LYPD6: variants seen among roughly 807,000 people sequenced by gnomAD.
LYPD6 encodes the protein ly6/PLAUR domain-containing protein 6.
LYPD6 carries 15 observed loss-of-function variants against 22.7 expected under a neutral mutation model. The observed-to-expected ratio is 0.66, with a 90% confidence interval of 0.44 to 1.02. LYPD6 has a LOEUF of 1.02. LYPD6 is among the 50% of genes least tolerant of loss of function. The probability of loss-of-function intolerance (pLI) is 0.00; values close to 1 mark genes in which losing one functional copy is unlikely to be tolerated. For synonymous variants in LYPD6, 72 were observed against 77.5 expected (o/e 0.93, Z 0.37); for missense variants, 189 against 208.4 (o/e 0.91, Z 0.57).
At position 149,437,795 on chromosome 2, in the gene LYPD6, A is replaced by G. The variant is rs541368590; in HGVS notation, c.87A>G (p.Thr29=). 1 of 1,614,188 alleles carries G rather than the reference A, an allele frequency of 6.2e-7. No individual in the cohort carries two copies. The highest frequency in any genetic ancestry group is 8.5e-7 in the Non-Finnish European group (1 of 1,180,024). Residue 29 remains threonine, a synonymous_variant, in exon 2 of 5, where the codon ACA becomes ACG. Coordinates refer to ENST00000334166, the MANE Select transcript of LYPD6 (RefSeq NM_194317.5). ...CLKAAQSRDF[T]VKDIIYLHPS... is the part of the protein sequence containing the mutation. ...AAGCTGCTCAGTCCCGAGACTTCACAGTGAAAGACATTATCTACCTCCATC... is the reference window on the plus strand; with the variant it reads ...AAGCTGCTCAGTCCCGAGACTTCACGGTGAAAGACATTATCTACCTCCATC...
chr2:149,462,869 A>G (rs1253682554), intron 3 of LYPD6, among the ~76,000 whole-genome samples: 2 of 152,120 alleles, frequency 1.3e-5, no homozygotes, highest in Non-Finnish European at 2.9e-5. Context: ...ATCTCAGCCT[A>G]AGTCTCACAC....
chr2:149,437,656 T>G lies in LYPD6; in HGVS notation c.-53T>G. The G allele has an allele frequency of 1.9e-6, 3 of 1,605,614 alleles. No individual in the cohort carries two copies. The South Asian group carries it at 3.3e-5, about 18-fold the overall frequency. ...TTTTCAGGTGCAAGTTCTCTCCTGT[T>G]GCCCTGAGTGCCCACTCCCAGGCCC... is the stretch of plus-strand genomic sequence containing the variant. On this transcript the variant is annotated 5_prime_UTR_variant, in exon 2 of 5. Coordinates refer to ENST00000334166, the MANE Select transcript of LYPD6 (RefSeq NM_194317.5).
At chr2:149,405,825 T>A (rs1682690416) in intron 1 of LYPD6, among the ~76,000 whole-genome samples, 1 of 148,146 alleles carries the variant, frequency 6.8e-6, no homozygotes, top group Non-Finnish European at 1.5e-5. Context: ...ATTGTGATGT[T>A]AGGGTGTCAG....
At chr2:149,355,944 A>C (rs549388567) in intron 1 of LYPD6, among the ~76,000 whole-genome samples, 13 of 152,274 alleles carry the variant, frequency 8.5e-5, no homozygotes, top group African/African-American at 2.9e-4. Context: ...GCCTAACAGT[A>C]AATTTTTATG....
chr2:149,463,323 A>G (rs1462739741), intron 3 of LYPD6, among the ~76,000 whole-genome samples: 2 of 152,198 alleles, frequency 1.3e-5, no homozygotes, highest in Non-Finnish European at 2.9e-5. Flanking sequence ...CAAATTTCAA[A>G]CATGAGATAT....
chr2:149,391,432 C>A (rs971328735), intron 1 of LYPD6, among the ~76,000 whole-genome samples: 1 of 151,830 alleles, frequency 6.6e-6, no homozygotes, highest in Non-Finnish European at 1.5e-5. Context: ...ATGGCATGGA[C>A]TATTGTGGAT....
chr2:149,358,838 A>G (rs1015556658), intron 1 of LYPD6, among the ~76,000 whole-genome samples: 1 of 152,248 alleles, frequency 6.6e-6, no homozygotes, highest in Non-Finnish European at 1.5e-5. Context: ...GGGCACATTA[A>G]TAATTTTAAA....
chr2:149,465,264 CAAAG>C (rs1399532129), intron 3 of LYPD6, among the ~76,000 whole-genome samples: 4 of 152,138 alleles, frequency 2.6e-5, no homozygotes, highest in East Asian at 1.9e-4. Context: ...CCCAGAGTCA[CAAAG>C]AGATCCTACA....
chr2:149,444,281 A>G (rs375666978), intron 2 of LYPD6, among the ~76,000 whole-genome samples: 1 of 152,208 alleles, frequency 6.6e-6, no homozygotes, highest in Non-Finnish European at 1.5e-5. Context: ...TAAAAATGCT[A>G]AGATCATCTG....
chr2:149,356,925 A>G (rs1472612983), intron 1 of LYPD6, among the ~76,000 whole-genome samples: 1 of 152,202 alleles, frequency 6.6e-6, no homozygotes, highest in African/African-American at 2.4e-5. Context: ...TTCATTATCC[A>G]AATTCACTTG....
intron 1 of LYPD6, among the ~76,000 whole-genome samples, chr2:149,433,118 A>G (rs1264799412): frequency 6.6e-6 from 1 of 152,226 alleles, no homozygotes; most frequent in African/African-American, 2.4e-5. Context: ...AGAAGAAATG[A>G]TTTCACAAGT....
intron 1 of LYPD6, among the ~76,000 whole-genome samples, chr2:149,374,484 T>C (rs760274147): frequency 7.2e-5 from 11 of 152,180 alleles, no homozygotes; most frequent in Non-Finnish European, 1.3e-4. Context: ...ATTTGAGTAT[T>C]ATCTAGATAG....
At chr2:149,431,278 CT>C (rs1464633300) in intron 1 of LYPD6, among the ~76,000 whole-genome samples, 1 of 152,188 alleles carries the variant, frequency 6.6e-6, no homozygotes, top group Non-Finnish European at 1.5e-5. Context: ...AACACAATGT[CT>C]TTTCTAAATG....
intron 1 of LYPD6, among the ~76,000 whole-genome samples, chr2:149,424,391 G>A (rs1301136854): frequency 1.3e-5 from 2 of 152,148 alleles, no homozygotes; most frequent in Non-Finnish European, 1.5e-5. Flanking sequence ...TTCGTATCTT[G>A]TCCCTACGGC....
In LYPD6 at chr2:149,360,626, T is replaced by C. The variant is rs537072290; in HGVS notation, c.-72+29904T>C. Among the ~76,000 whole-genome samples the C allele has an allele frequency of 5.6e-3, 845 of 151,286 alleles. 6 individuals carry two copies. Among genetic ancestry groups the C allele is most frequent in the African/African-American group, 0.02 (826 of 41,040 alleles). ...CTTTACTTGTTTTTTTTTTTTTCCC[T>C]CTGGACTATTGAAGTAGCTTTTAAA... On this transcript the variant is annotated intron_variant, in intron 1 of 4. Transcript: ENST00000334166.
chr2:149,382,414 A>G (rs913316178), intron 1 of LYPD6, among the ~76,000 whole-genome samples: 1 of 152,162 alleles, frequency 6.6e-6, no homozygotes, highest in African/African-American at 2.4e-5. Flanking sequence ...TTGTATTAGA[A>G]GTCATTTAAT....
At chr2:149,481,237 C>T in the LYPD6 span, among the ~76,000 whole-genome samples, 2 of 152,186 alleles carry the variant, frequency 1.3e-5, no homozygotes, top group African/African-American at 2.4e-5. Flanking sequence ...TAGTAAGTGA[C>T]ACAACAAGAG....
intron 1 of LYPD6, among the ~76,000 whole-genome samples, chr2:149,405,128 T>C (rs541128201): frequency 0.014 from 2,174 of 150,340 alleles, 51 homozygotes; most frequent in African/African-American, 0.052. Context: ...CTGTTGGATT[T>C]GGTTTGCCAG....
At chr2:149,427,544 G>A (rs1683211273) in intron 1 of LYPD6, among the ~76,000 whole-genome samples, 1 of 152,174 alleles carries the variant, frequency 6.6e-6, no homozygotes, top group East Asian at 1.9e-4. Context: ...GATTGATGGA[G>A]AAAGCAAACA....
Sources: gnomAD v4.1 joint callset for allele counts (sites outside exome capture counted in the v4.1 genomes callset) on GRCh38, gnomAD v4.1.1 for gene constraint, MANE v1.5 for transcripts, NCBI Gene and HGNC (gene_info 2026-07-23, HGNC 2026-07-21) for gene names.